The following CREBRF variants were observed in gnomAD, a reference collection of about 807,000 sequenced individuals.
CREBRF encodes the protein CREB3 regulatory factor, also known as UPF0474 protein C5orf41.
A neutral mutation model predicts 66.1 loss-of-function variants in CREBRF; 5 were observed. That is an observed-to-expected ratio of 0.08 (90% CI 0.04 to 0.16). The LOEUF (loss-of-function observed/expected upper bound fraction) is 0.16. Among genes scored for constraint, CREBRF ranks in the 10% least tolerant of loss-of-function variants. The probability of loss-of-function intolerance (pLI) is 1.00; values close to 1 mark genes in which losing one functional copy is unlikely to be tolerated. For missense variants in CREBRF, 531 were observed against 744.9 expected, an observed-to-expected ratio of 0.71 and a Z score of 3.34; for synonymous variants, 229 against 264.4, an observed-to-expected ratio of 0.87 and a Z score of 1.30.
At chr5:173,125,631 G>A (rs1581048811) in intron 8 of CREBRF, among the ~76,000 whole-genome samples, 2 of 152,148 alleles carry the variant, frequency 1.3e-5, no homozygotes, top group East Asian at 1.9e-4. Flanking sequence ...TTGGGAGGCC[G>A]AGGCAGGCAG....
chr5:173,091,811 G>A (rs1219505938), intron 4 of CREBRF: 20 of 987,924 alleles, frequency 2.0e-5, no homozygotes, highest in African/African-American at 3.5e-5. Context: ...AGGGCCAGGC[G>A]CAGTGGCTCA....
chr5:173,084,622 T>C (rs1758075473), intron 2 of CREBRF, among the ~76,000 whole-genome samples: 1 of 125,464 alleles, frequency 8.0e-6, no homozygotes. Flanking sequence ...ATTGCAAAAA[T>C]GATTTTTTTT....
At chr5:173,123,251 A>G in intron 8 of CREBRF, 49 bp downstream of exon 8, 2 of 1,545,688 alleles carry the variant, frequency 1.3e-6, no homozygotes, top group African/African-American at 2.8e-5. Context: ...TATGTGTAAG[A>G]TGTATGATTT....
At chr5:173,113,634 C>T (rs918426420) in intron 7 of CREBRF, among the ~76,000 whole-genome samples, 3 of 152,184 alleles carry the variant, frequency 2.0e-5, no homozygotes, top group Non-Finnish European at 4.4e-5. Flanking sequence ...TGGAACCATT[C>T]TAGCACTTAT....
chr5:173,092,456 GTTTA>G (rs1459179785), intron 4 of CREBRF: 1 of 978,864 alleles, frequency 1.0e-6, no homozygotes, highest in Non-Finnish European at 1.2e-6. Context: ...GGCTTGTGCA[GTTTA>G]TTTATAAAAA....
chr5:173,110,777 T>A lies in CREBRF; in HGVS notation c.1607+66T>A. Reference sequence around the variant, plus strand: ...GAGGTGAGGTTAGTCCCTAAGTGAGTTTTTATAGAAGGACAACAAAGAAAT... The same window carrying A: ...GAGGTGAGGTTAGTCCCTAAGTGAGATTTTATAGAAGGACAACAAAGAAAT... On this transcript the variant is annotated intron_variant, in intron 6 of 8. Transcript: ENST00000296953. The A allele has an allele frequency of 2.6e-6, 3 of 1,149,358 alleles. No homozygotes were observed. The East Asian group carries it at 7.3e-5, about 28-fold the overall frequency. 71.2% of individuals were successfully genotyped at this position (1,149,358 alleles called of 1,614,324 possible). A position where few individuals can be genotyped will look rare whatever the true frequency, so the allele number is the denominator to read the frequency against.
In CREBRF at chr5:173,056,467, C is replaced by A. The variant is rs901275771; in HGVS notation, c.-204C>A. Reference sequence around the variant, plus strand: ...AACCGGACCCAGTCCCTGAGCCGCCCCTACACCCACAGGTGAGCGCCGCCA... The same window carrying A: ...AACCGGACCCAGTCCCTGAGCCGCCACTACACCCACAGGTGAGCGCCGCCA... On this transcript the variant is annotated 5_prime_UTR_variant, in exon 1 of 9. Transcript: ENST00000296953. 47 of 398,408 alleles carry A rather than the reference C, an allele frequency of 1.2e-4. 1 individual carries two copies. Among genetic ancestry groups the A allele is most frequent in the Admixed American group, 2.2e-4 (5 of 22,716 alleles). 24.7% of individuals were successfully genotyped at this position (398,408 alleles called of 1,614,324 possible).
intron 7 of CREBRF, among the ~76,000 whole-genome samples, chr5:173,121,122 C>A (rs552310868): frequency 8.5e-5 from 13 of 152,202 alleles, no homozygotes; most frequent in Non-Finnish European, 1.3e-4. Flanking sequence ...AAAGTGATAA[C>A]AACACCTTTT....
At chr5:173,088,395 A>G (rs1056367126) in intron 3 of CREBRF, among the ~76,000 whole-genome samples, 11 of 136,434 alleles carry the variant, frequency 8.1e-5, no homozygotes, top group African/African-American at 2.7e-4. Flanking sequence ...AGGCTGAGGC[A>G]GGAGAATTGC....
intron 7 of CREBRF, among the ~76,000 whole-genome samples, chr5:173,115,748 G>A (rs983424386): frequency 6.6e-6 from 1 of 152,132 alleles, no homozygotes; most frequent in Non-Finnish European, 1.5e-5. Context: ...GGGACTACAG[G>A]CACCCGCCAC....
intron 6 of CREBRF, 77 bp from the exon 7 acceptor site, chr5:173,112,229 C>T (rs1197759120): frequency 9.8e-7 from 1 of 1,023,304 alleles, no homozygotes; most frequent in South Asian, 1.7e-5. Context: ...CATAGCGAGA[C>T]CCCTTCTCCG....
intron 4 of CREBRF, chr5:173,092,137 A>G (rs1037592766): frequency 1.5e-5 from 14 of 905,104 alleles, no homozygotes; most frequent in African/African-American, 1.3e-4. Context: ...GTGTCTCTCT[A>G]TTATAGTTGA....
At chr5:173,087,847 G>A (rs1324139033) in intron 3 of CREBRF, among the ~76,000 whole-genome samples, 6 of 151,770 alleles carry the variant, frequency 4.0e-5, no homozygotes, top group South Asian at 2.1e-4. Flanking sequence ...TATTTGGGAC[G>A]GAGTCTCGCT....
intron 1 of CREBRF, among the ~76,000 whole-genome samples, chr5:173,074,278 G>T (rs1391393788): frequency 6.9e-6 from 1 of 145,710 alleles, no homozygotes; most frequent in Non-Finnish European, 1.5e-5. Context: ...TCCAGCCTAG[G>T]CAACAAGAGT....
Position 173,123,102 on chromosome 5 carries a change from C to G in CREBRF, c.1704C>G (p.Asn568Lys), listed in dbSNP as rs1759180617. 6 of 1,601,540 alleles carry G rather than the reference C, an allele frequency of 3.7e-6. No homozygotes were observed. Among genetic ancestry groups the G allele is most frequent in the Middle Eastern group, 1.7e-4 (1 of 6,060 alleles). ...CAGATAATTTATTGTTTGTAATCAA[C>G]TCCATCAAGCAAGAGATTGTAAACC... Reference protein sequence around the residue: ...TEYDNLLFVINSIKQEIVNRV... With the variant: ...TEYDNLLFVIKSIKQEIVNRV... The change falls in exon 8 of 9, where the codon AAC becomes AAG. Residue 568 changes from asparagine (N) to lysine (K), a missense_variant. Asn to Lys is a moderately conservative substitution (Grantham distance 94). Transcript: ENST00000296953.
At chr5:173,112,464 C>A in intron 7 of CREBRF, 85 bp downstream of exon 7, 2 of 968,646 alleles carry the variant, frequency 2.1e-6, no homozygotes, top group Non-Finnish European at 3.1e-6. Context: ...GATTTGCTTT[C>A]GCTGTATTCT....
chr5:173,058,305 T>C (rs771667423), intron 1 of CREBRF, among the ~76,000 whole-genome samples: 32 of 152,164 alleles, frequency 2.1e-4, no homozygotes, highest in Non-Finnish European at 4.1e-4. Flanking sequence ...TGTGGCTACG[T>C]TGGTATTGTC....
intron 8 of CREBRF, among the ~76,000 whole-genome samples, chr5:173,132,085 CTTTTTTTTT>C (rs34701764): frequency 8.0e-6 from 1 of 124,554 alleles, no homozygotes; most frequent in Non-Finnish European, 1.7e-5. Context: ...AAATATATTT[CTTTTTTTTT>C]TTTTTTTTGA....
At chr5:173,106,754 ATT>A (rs1758760551) in intron 4 of CREBRF, among the ~76,000 whole-genome samples, 3 of 151,298 alleles carry the variant, frequency 2.0e-5, no homozygotes, top group African/African-American at 7.3e-5. Context: ...ATTTTATTTT[ATT>A]TTATTTTATT....
Sources: gnomAD v4.1 joint callset for allele counts (sites outside exome capture counted in the v4.1 genomes callset) on GRCh38, gnomAD v4.1.1 for gene constraint, MANE v1.5 for transcripts, NCBI Gene and HGNC (gene_info 2026-07-23, HGNC 2026-07-21) for gene names.